ABI3: variants seen among roughly 807,000 people sequenced by gnomAD.
The protein encoded by ABI3 is ABI gene family member 3.
A neutral mutation model predicts 37.0 loss-of-function variants in ABI3; 24 were observed. The observed-to-expected ratio is 0.65, with a 90% CI of 0.47 to 0.91. ABI3 has a LOEUF of 0.91. Ranked by LOEUF, ABI3 falls within the 40% of genes least tolerant of loss-of-function variation. ABI3 has a pLI of 0.00. For synonymous variants in ABI3, 220 were observed against 211.8 expected, an observed-to-expected ratio of 1.04 and a Z score of -0.34; for missense variants, 481 against 485.1, an observed-to-expected ratio of 0.99 and a Z score of 0.08.
chr17:49,218,859 C>T (rs950313614), intron 3 of ABI3, among the ~76,000 whole-genome samples: 18 of 151,270 alleles, frequency 1.2e-4, no homozygotes, highest in Admixed American at 7.3e-4. Context: ...TCAGGTGATC[C>T]TCTTGCCTGA....
intron 1 of ABI3, among the ~76,000 whole-genome samples, chr17:49,212,031 A>G (rs2043173677): frequency 6.6e-6 from 1 of 151,932 alleles, no homozygotes; most frequent in African/African-American, 2.4e-5. Context: ...GCTTCACTGA[A>G]GCCTTGAACT....
chr17:49,220,006 G>T lies in ABI3; in HGVS notation c.644+53G>T, dbSNP rs112224699. On this transcript the variant is annotated intron_variant, in intron 5 of 7. Transcript: ENST00000225941. ...GTGGGGGGTGGGAAGTGGCTTTTGAGAGGGGCCACCTGCCAGTGGTCATAG... is the reference window on the plus strand; with the variant it reads ...GTGGGGGGTGGGAAGTGGCTTTTGATAGGGGCCACCTGCCAGTGGTCATAG... 11 of 1,530,302 alleles carry T rather than the reference G, an allele frequency of 7.2e-6. 1 individual carries two copies. The African/African-American group carries it at 8.2e-5, about 11-fold the overall frequency. 94.8% of individuals were successfully genotyped at this position (1,530,302 alleles called of 1,614,324 possible).
At chr17:49,214,420 A>G (rs1216483847) in intron 1 of ABI3, among the ~76,000 whole-genome samples, 1 of 152,158 alleles carries the variant, frequency 6.6e-6, no homozygotes, top group Non-Finnish European at 1.5e-5. Context: ...ACAAAAAAAA[A>G]TTTCTTGGCC....
At position 49,222,719 on chromosome 17, in the gene ABI3, C is replaced by G. The variant is rs2233374; in HGVS notation, c.*4C>G. 46,236 of 1,557,884 alleles carry G rather than the reference C, an allele frequency of 0.03. 872 individuals carry two copies. Among genetic ancestry groups the G allele is most frequent in the Middle Eastern group, 0.067 (348 of 5,202 alleles). On this transcript the variant is annotated 3_prime_UTR_variant, in exon 8 of 8. Coordinates refer to ENST00000225941, the MANE Select transcript of ABI3 (RefSeq NM_016428.3). Reference sequence around the variant, plus strand: ...CTATGTGGAGCCCAGCTGCTGACAGCCCAGGGCTCTCTGGGCAGCTGATGT... The same window carrying G: ...CTATGTGGAGCCCAGCTGCTGACAGGCCAGGGCTCTCTGGGCAGCTGATGT...
intron 1 of ABI3, among the ~76,000 whole-genome samples, chr17:49,215,921 T>G (rs2043213577): frequency 6.6e-6 from 1 of 150,986 alleles, no homozygotes; most frequent in South Asian, 2.1e-4. Context: ...CTGACTAACA[T>G]GGAGAAACCC....
Position 49,216,610 on chromosome 17 carries a change from G to A in ABI3, c.197G>A (p.Gly66Asp), listed in dbSNP as rs751478175. The part of the protein sequence containing the change: ...QALASVAYQV[G>D]NLAGHTLRML... ...CTGGCCAGCGTGGCCTACCAGGTGGGCAACCTGGCCGGGCACACTCTGCGC... is the reference window on the plus strand; with the variant it reads ...CTGGCCAGCGTGGCCTACCAGGTGGACAACCTGGCCGGGCACACTCTGCGC... Residue 66 changes from glycine to aspartate, a missense_variant, in exon 2 of 8, where the codon GGC (glycine) becomes GAC (aspartate). Physicochemically the swap from Gly to Asp is moderately conservative, Grantham distance 94. Transcript: ENST00000225941. 6.2e-7 allele frequency: 1 copy of A among 1,611,598 alleles called. No homozygotes were observed. Among genetic ancestry groups the A allele is most frequent in the East Asian group, 2.2e-5 (1 of 44,726 alleles).
chr17:49,222,697 T>A lies in ABI3; in HGVS notation c.1083T>A (p.Tyr361Ter). The A allele has an allele frequency of 6.3e-7, 1 of 1,580,350 alleles. No homozygotes were observed. The highest frequency in any genetic ancestry group is 8.6e-7 in the Non-Finnish European group (1 of 1,163,264). The change falls in exon 8 of 8, where the codon TAT becomes TAA. Residue 361 changes from tyrosine (Y) to a stop codon, truncating the protein, a stop_gained. Transcript: ENST00000225941. LOFTEE classifies it high-confidence loss of function. ...SEGTGFFPGN[Y>*]VEPSC ...GGACTGGATTCTTCCCTGGGAACTATGTGGAGCCCAGCTGCTGACAGCCCA... is the reference window on the plus strand; with the variant it reads ...GGACTGGATTCTTCCCTGGGAACTAAGTGGAGCCCAGCTGCTGACAGCCCA...
At chr17:49,216,848 T>A (rs1474490959) in intron 2 of ABI3, 150 bp downstream of exon 2, 1 of 926,136 alleles carries the variant, frequency 1.1e-6, no homozygotes, top group Admixed American at 3.9e-5. Context: ...TTCCCAAGCT[T>A]TTTGGACCTC....
At chr17:49,222,032 C>T in intron 6 of ABI3, 59 bp from the exon 7 acceptor site, 2 of 1,513,928 alleles carry the variant, frequency 1.3e-6, no homozygotes, top group Non-Finnish European at 1.8e-6. Flanking sequence ...GAGCAGTTCC[C>T]TGACACACTG....
intron 7 of ABI3, 145 bp downstream of exon 7, chr17:49,222,370 G>A (rs1011466445): frequency 7.3e-7 from 1 of 1,375,200 alleles, no homozygotes; most frequent in Non-Finnish European, 9.7e-7. Flanking sequence ...CTGGGGAGAG[G>A]GCAGCTGGCC....
chr17:49,216,450 T>C, intron 1 of ABI3, 81 bp from the exon 2 acceptor site: 1 of 1,329,044 alleles, frequency 7.5e-7, no homozygotes, highest in East Asian at 2.9e-5. Context: ...ACTTTCCCTA[T>C]ATCCTCTCCC....
chr17:49,217,252 G>A (rs935359756), intron 2 of ABI3, among the ~76,000 whole-genome samples: 3 of 152,122 alleles, frequency 2.0e-5, no homozygotes, highest in African/African-American at 7.2e-5. Context: ...AGTGGGTGGG[G>A]TGTGTCTTTT....
In ABI3 at chr17:49,210,924, C is replaced by T. The variant is rs2043160089; in HGVS notation, c.117+83C>T. ...CTGCCCCAAGTGGGGCCCTGGGACC[C>T]ATCCTGACAGTGCTTGTCCTGGGCC... On this transcript the variant is annotated intron_variant, in intron 1 of 7. Coordinates refer to ENST00000225941, the MANE Select transcript of ABI3 (RefSeq NM_016428.3). The surrounding 1 kb of genome is among the most constrained non-coding windows in gnomAD (Gnocchi z 4.2). 2.7e-5 allele frequency: 31 copies of T among 1,153,954 alleles called. 1 individual carries two copies. The South Asian group carries it at 3.5e-4, about 13-fold the overall frequency. The allele number at this position is 1,153,954 out of a possible 1,614,324, so 71.5% of individuals were successfully genotyped here. A position where few individuals can be genotyped will look rare whatever the true frequency, so the allele number is the denominator to read the frequency against.
chr17:49,212,720 G>C (rs1001962423), intron 1 of ABI3, among the ~76,000 whole-genome samples: 15 of 152,172 alleles, frequency 9.9e-5, no homozygotes, highest in Admixed American at 5.9e-4. Flanking sequence ...TAGTGTCAGA[G>C]CCTGAATTCA....
Position 49,219,442 on chromosome 17 carries a change from C to T in ABI3, c.463-98C>T, listed in dbSNP as rs2043254982. 1 of 1,105,416 alleles carries T rather than the reference C, an allele frequency of 9.0e-7. No individual in the cohort carries two copies. Among genetic ancestry groups the T allele is most frequent in the African/African-American group, 1.6e-5 (1 of 63,468 alleles). The allele number at this position is 1,105,416 out of a possible 1,614,324, so 68.5% of individuals were successfully genotyped here. ...AACTGGCTATGCCGGGCTCTCCCTC[C>T]CGGTTCCCGTCCGCCCCTCCTCCAT... On this transcript the variant is annotated intron_variant, in intron 3 of 7. Coordinates refer to ENST00000225941, the MANE Select transcript of ABI3 (RefSeq NM_016428.3). This position sits in a 1 kb window ranked among gnomAD's most constrained non-coding sequence, Gnocchi z 4.3.
Position 49,222,050 on chromosome 17 carries a change from T to C in ABI3, c.803-41T>C, listed in dbSNP as rs776776740. ...CAGTTCCCTGACACACTGAAGGAGC[T>C]TCCTGTGCCACACTTACAGCCTTTC... is the stretch of plus-strand genomic sequence containing the variant. On this transcript the variant is annotated intron_variant, in intron 6 of 7. Coordinates refer to ENST00000225941, the MANE Select transcript of ABI3 (RefSeq NM_016428.3). 2.6e-6 allele frequency: 4 copies of C among 1,537,580 alleles called. No homozygotes were observed. The Admixed American group carries it at 6.0e-5, about 23-fold the overall frequency.
Position 49,217,767 on chromosome 17 carries a change from C to T in ABI3, c.314C>T (p.Ala105Val), listed in dbSNP as rs2043236387. The T allele has an allele frequency of 1.2e-6, 2 of 1,610,662 alleles. No individual in the cohort carries two copies. Among genetic ancestry groups the T allele is most frequent in the Non-Finnish European group, 1.7e-6 (2 of 1,178,516 alleles). ...GTGAACATGCATATGGAGAAGGTGGCCCGAAGGGAGATCGGCACCTTAGCC... is the reference window on the plus strand; with the variant it reads ...GTGAACATGCATATGGAGAAGGTGGTCCGAAGGGAGATCGGCACCTTAGCC... Reference protein sequence around the residue: ...QMVNMHMEKVARREIGTLATV... With the variant: ...QMVNMHMEKVVRREIGTLATV... Residue 105 changes from alanine (A) to valine (V), a missense_variant, in exon 3 of 8, where the codon GCC becomes GTC. By Grantham distance (64) the Ala-to-Val change is moderately conservative. Coordinates refer to ENST00000225941, the MANE Select transcript of ABI3 (RefSeq NM_016428.3).
At chr17:49,216,419 C>A in intron 1 of ABI3, 112 bp from the exon 2 acceptor site, 1 of 1,055,618 alleles carries the variant, frequency 9.5e-7, no homozygotes, top group Non-Finnish European at 1.3e-6. Context: ...AGGGTTGCTG[C>A]TCTCTCCCAA....
intron 2 of ABI3, among the ~76,000 whole-genome samples, 161 bp downstream of exon 2, chr17:49,216,859 C>G (rs913006255): frequency 6.6e-6 from 1 of 152,216 alleles, no homozygotes; most frequent in Non-Finnish European, 1.5e-5. Flanking sequence ...TTTGGACCTC[C>G]TTATCTCTGT....
Sources: gnomAD v4.1 joint callset for allele counts (sites outside exome capture counted in the v4.1 genomes callset) on GRCh38, gnomAD v4.1.1 for gene constraint, Gnocchi (gnomAD v3.1) non-coding constraint, MANE v1.5 for transcripts, NCBI Gene and HGNC (gene_info 2026-07-23, HGNC 2026-07-21) for gene names.